DIAPH1: variants seen among roughly 807,000 people sequenced by gnomAD.
DIAPH1 encodes diaphanous related formin 1, also known as protein diaphanous homolog 1.
Under a neutral mutation model 140.7 loss-of-function variants are expected in DIAPH1, and 46 were observed. That is an observed-to-expected ratio of 0.33 (90% confidence interval 0.26 to 0.42). The LOEUF (loss-of-function observed/expected upper bound fraction) is 0.42. DIAPH1 is among the 10% of genes least tolerant of loss of function. The pLI is 1.00. For missense variants in DIAPH1, 1,310 were observed against 1,558.7 expected (o/e 0.84, Z 2.69); for synonymous variants, 565 against 551.6 (o/e 1.02, Z -0.34).
At chr5:141,556,043 C>CA (rs2099892525) in intron 18 of DIAPH1, among the ~76,000 whole-genome samples, 2 of 152,130 alleles carry the variant, frequency 1.3e-5, no homozygotes, top group Admixed American at 1.3e-4. Context: ...TGCTGAAAGT[C>CA]AGAGTCACTG....
rs141404696 is a variant in DIAPH1, at chr5:141,530,071, G to A, written c.2582-374C>T. On this transcript the variant is annotated intron_variant, in intron 19 of 27. Coordinates refer to ENST00000389054, the MANE Select transcript of DIAPH1 (RefSeq NM_005219.5). ...TGCACTCCAGCCTGAGCAACAGAGC[G>A]AGACCCGTCTCAAAAAAGTATATAT... Among the ~76,000 whole-genome samples, 16 of 152,206 alleles carry A rather than the reference G, an allele frequency of 1.1e-4. No individual in the cohort carries two copies. The East Asian group carries it at 3.1e-3, about 29-fold the overall frequency.
rs1433392520 is a variant in DIAPH1 at position 141,571,452 on chromosome 5, G to A, written c.2474-16C>T. On this transcript the variant is annotated splice_polypyrimidine_tract_variant and intron_variant, in intron 17 of 27. Coordinates refer to ENST00000389054, the MANE Select transcript of DIAPH1 (RefSeq NM_005219.5). ...CCTTTGGAAGCTTCAGGAGCAAAGT[G>A]CCAGGAGGGAGAAGGCATCCAATAT... 1.6e-5 allele frequency: 26 copies of A among 1,609,418 alleles called. No individual in the cohort carries two copies. Among genetic ancestry groups the A allele is most frequent in the Non-Finnish European group, 2.1e-5 (25 of 1,177,266 alleles).
rs1251735455 is a variant in DIAPH1, at chr5:141,528,715, C to G, written c.3005G>C (p.Ser1002Thr). 1 of 1,614,240 alleles carries G rather than the reference C, an allele frequency of 6.2e-7. No individual in the cohort carries two copies. The highest frequency in any genetic ancestry group is 2.2e-5 in the East Asian group (1 of 44,886). The change falls in exon 22 of 28, where the codon AGC becomes ACC. Residue 1002 changes from serine to threonine, a missense_variant. This residue lies in a region of DIAPH1 where 344 missense variants were observed against 512.2 expected (regional missense o/e 0.67). Coordinates refer to ENST00000389054, the MANE Select transcript of DIAPH1 (RefSeq NM_005219.5). ...TCTTTGGCTCACCTTACAGAGGAAG[C>G]TGATATTGAAGCCAAAAGCACCAGC... Reference protein sequence around the residue: ...RNAGAFGFNISFLCKLRDTKS... With the variant: ...RNAGAFGFNITFLCKLRDTKS...
At chr5:141,615,529 C>G (rs1412908980) in intron 1 of DIAPH1, among the ~76,000 whole-genome samples, 1 of 151,536 alleles carries the variant, frequency 6.6e-6, no homozygotes, top group Non-Finnish European at 1.5e-5. Context: ...ATCACGAGGT[C>G]AGGAGATCGA....
chr5:141,521,455 C>T (rs113618207), intron 27 of DIAPH1, among the ~76,000 whole-genome samples: 14 of 152,296 alleles, frequency 9.2e-5, no homozygotes, highest in East Asian at 5.8e-4. Context: ...CCACACCCTG[C>T]GGATCACAGG....
chr5:141,530,055 G>A (rs2099887979), intron 19 of DIAPH1, among the ~76,000 whole-genome samples: 1 of 152,168 alleles, frequency 6.6e-6, no homozygotes, highest in Non-Finnish European at 1.5e-5. Flanking sequence ...CTGCACTCCA[G>A]CCTGAGCAAC....
At chr5:141,579,745 C>T (rs1406836490) in intron 8 of DIAPH1, among the ~76,000 whole-genome samples, 3 of 151,940 alleles carry the variant, frequency 2.0e-5, no homozygotes, top group South Asian at 2.1e-4. Flanking sequence ...GTCAGGAGTT[C>T]GAGACCAGCC....
In DIAPH1 at chr5:141,580,942, C is replaced by A. The variant is rs537547745; in HGVS notation, c.685-59G>T. The A allele has an allele frequency of 5.0e-6, 8 of 1,610,554 alleles. No individual in the cohort carries two copies. In the East Asian group the frequency reaches 1.8e-4, roughly 36 times the overall value. On this transcript the variant is annotated intron_variant, in intron 7 of 27. Transcript: ENST00000389054. ...AAGACGAAAGCATCTAACTGGGGGA[C>A]AAGTTTACGGGTTGTTATGGGTTGA...
rs149491122 is a variant in DIAPH1 at position 141,590,499 on chromosome 5, G to T, written c.118-2249C>A. On this transcript the variant is annotated intron_variant, in intron 1 of 27. Transcript: ENST00000389054. ...CTTTTGTCACCACCCTAAGTCCCTT[G>T]GCATATAGAAGGTGAAACAAGCACA... 6.1e-3 allele frequency among the ~76,000 whole-genome samples: 928 copies of T among 152,202 alleles called. 14 individuals carry two copies. In the South Asian group the frequency reaches 0.066, roughly 11 times the overall value.
intron 18 of DIAPH1, among the ~76,000 whole-genome samples, chr5:141,553,199 G>A (rs1415580052): frequency 6.6e-6 from 1 of 152,168 alleles, no homozygotes; most frequent in African/African-American, 2.4e-5. Flanking sequence ...AGCTGAGGCA[G>A]AAGAATTGCT....
At chr5:141,585,753 G>A (rs1405070346) in intron 3 of DIAPH1, among the ~76,000 whole-genome samples, 2 of 152,044 alleles carry the variant, frequency 1.3e-5, no homozygotes, top group African/African-American at 4.8e-5. Flanking sequence ...GTCTTGCTCT[G>A]CTTGCGACAG....
intron 18 of DIAPH1, among the ~76,000 whole-genome samples, chr5:141,545,463 C>T (rs1189240156): frequency 6.6e-6 from 1 of 152,020 alleles, no homozygotes; most frequent in Non-Finnish European, 1.5e-5. Context: ...CCAGCCTAGG[C>T]GACACAGTCT....
intron 18 of DIAPH1, 114 bp from the exon 19 acceptor site, chr5:141,534,547 C>A: frequency 1.3e-6 from 1 of 792,552 alleles, no homozygotes; most frequent in South Asian, 1.4e-5. Context: ...TTATAATGGT[C>A]TATTGTATTC....
chr5:141,591,260 T>C (rs1562336863), intron 1 of DIAPH1, among the ~76,000 whole-genome samples: 1 of 152,090 alleles, frequency 6.6e-6, no homozygotes. Context: ...GATATGTACC[T>C]TTCCTTGTGT....
At chr5:141,570,344 G>A (rs375804724) in intron 18 of DIAPH1, among the ~76,000 whole-genome samples, 12 of 152,160 alleles carry the variant, frequency 7.9e-5, no homozygotes, top group African/African-American at 2.9e-4. Context: ...AGTATATGTG[G>A]TTACCATCCC....
intron 1 of DIAPH1, among the ~76,000 whole-genome samples, chr5:141,591,313 T>C (rs1311260607): frequency 2.0e-5 from 3 of 152,060 alleles, no homozygotes; most frequent in Non-Finnish European, 4.4e-5. Context: ...GCACTAAAAA[T>C]GGATTACAAT....
intron 3 of DIAPH1, among the ~76,000 whole-genome samples, chr5:141,585,778 T>A (rs2099897453): frequency 6.6e-6 from 1 of 151,352 alleles, no homozygotes; most frequent in Non-Finnish European, 1.5e-5. Flanking sequence ...ATACTCCATC[T>A]CAAAAAAAAG....
At chr5:141,587,478 C>T in intron 2 of DIAPH1, 1 of 449,132 alleles carries the variant, frequency 2.2e-6, no homozygotes. Context: ...ATCTCCCCTG[C>T]CATTTCTAAG....
At chr5:141,600,261 T>C (rs1037826330) in intron 1 of DIAPH1, among the ~76,000 whole-genome samples, 3 of 152,160 alleles carry the variant, frequency 2.0e-5, no homozygotes, top group Non-Finnish European at 4.4e-5. Context: ...AGGAACTGAA[T>C]TTGGCAAACA....
Sources: gnomAD v4.1 joint callset for allele counts (sites outside exome capture counted in the v4.1 genomes callset) on GRCh38, gnomAD v4.1.1 for gene constraint, gnomAD v4.1.1 regional missense constraint, MANE v1.5 for transcripts, NCBI Gene and HGNC (gene_info 2026-07-23, HGNC 2026-07-21) for gene names.